HP1BP3: variants seen among roughly 807,000 people sequenced by gnomAD.
HP1BP3 encodes the protein heterochromatin protein 1 binding protein 3, also known as heterochromatin protein 1-binding protein 3.
HP1BP3 carries 12 observed loss-of-function variants against 62.5 expected under a neutral mutation model. The observed-to-expected ratio is 0.19, with a 90% confidence interval of 0.12 to 0.31. The LOEUF (loss-of-function observed/expected upper bound fraction) is 0.31, where lower values mean the gene tolerates loss of function less well. HP1BP3 is among the 10% of genes least tolerant of loss of function. The probability of loss-of-function intolerance (pLI) is 1.00; values close to 1 mark genes in which losing one functional copy is unlikely to be tolerated. For synonymous variants in HP1BP3, 260 were observed against 237.8 expected, an observed-to-expected ratio of 1.09 and a Z score of -0.86; for missense variants, 502 against 651.8, an observed-to-expected ratio of 0.77 and a Z score of 2.50.
At chr1:20,747,108 G>A (rs868360562) in intron 11 of HP1BP3, among the ~76,000 whole-genome samples, 2 of 152,182 alleles carry the variant, frequency 1.3e-5, no homozygotes, top group East Asian at 1.9e-4. Flanking sequence ...ATGACCATCC[G>A]AGGATCTCAA....
intron 8 of HP1BP3, among the ~76,000 whole-genome samples, chr1:20,761,353 TATTTTAA>T (rs2056466482): frequency 6.6e-6 from 1 of 152,182 alleles, no homozygotes; most frequent in Non-Finnish European, 1.5e-5. Flanking sequence ...TTTACTGATA[TATTTTAA>T]AGACAGAGCA....
intron 1 of HP1BP3, chr1:20,786,132 GT>G (rs1190120786): frequency 2.0e-5 from 3 of 152,260 alleles, no homozygotes; most frequent in Admixed American, 6.5e-5. Context: ...TTAAGTGGCT[GT>G]CCCCGGTCAC....
At chr1:20,762,482 T>C (rs925128795) in intron 8 of HP1BP3, among the ~76,000 whole-genome samples, 2 of 152,172 alleles carry the variant, frequency 1.3e-5, no homozygotes, top group East Asian at 3.9e-4. Flanking sequence ...AGAAAATAAA[T>C]CTTGGGATCC....
At chr1:20,778,303 A>C (rs750243451) in intron 3 of HP1BP3, among the ~76,000 whole-genome samples, 3 of 152,238 alleles carry the variant, frequency 2.0e-5, no homozygotes, top group Non-Finnish European at 4.4e-5. Flanking sequence ...TAAAACATAG[A>C]GTTTACAAAA....
intron 1 of HP1BP3, among the ~76,000 whole-genome samples, chr1:20,784,713 T>C (rs1159314082): frequency 6.6e-6 from 1 of 152,164 alleles, no homozygotes; most frequent in African/African-American, 2.4e-5. Context: ...CCTGACCTCG[T>C]GATCCGCCCA....
rs1384790518 is a variant in HP1BP3 at position 20,779,892 on chromosome 1, A to G, written c.116T>C (p.Met39Thr). The G allele has an allele frequency of 6.2e-7, 1 of 1,613,338 alleles. No homozygotes were observed. ...KLGEKVEDST[M>T]PIRRTVNSTR... ...AGAATTCACAGTTCGACGAATCGGCATGGTGCTATCTTCTACCTTCTAAGA... is the reference window on the plus strand; with the variant it reads ...AGAATTCACAGTTCGACGAATCGGCGTGGTGCTATCTTCTACCTTCTAAGA... The change falls in exon 3 of 13, where the codon ATG (methionine) becomes ACG (threonine). Residue 39 changes from methionine (M) to threonine (T), a missense_variant. Met to Thr is a moderately conservative substitution (Grantham distance 81). This residue lies in a region of HP1BP3 where 165 missense variants were observed against 156.4 expected (regional missense o/e 1.05). Transcript: ENST00000438032.
At chr1:20,762,682 C>T (rs978841357) in intron 8 of HP1BP3, among the ~76,000 whole-genome samples, 1 of 151,966 alleles carries the variant, frequency 6.6e-6, no homozygotes, top group Non-Finnish European at 1.5e-5. Context: ...ACCTAGAAGC[C>T]CCCTCCCTGA....
chr1:20,746,208 G>A (rs1245505104), intron 11 of HP1BP3, among the ~76,000 whole-genome samples: 5 of 151,544 alleles, frequency 3.3e-5, no homozygotes. Context: ...GTGTGTGTGT[G>A]TGTGTGTGTG....
chr1:20,766,365 C>G (rs1417030639), intron 7 of HP1BP3, among the ~76,000 whole-genome samples: 1 of 148,558 alleles, frequency 6.7e-6, no homozygotes, highest in East Asian at 2.0e-4. Flanking sequence ...TTATGAAGTA[C>G]AGCACCAGAA....
chr1:20,755,294 G>A, intron 9 of HP1BP3: 1 of 430,198 alleles, frequency 2.3e-6, no homozygotes, highest in African/African-American at 2.0e-5. Context: ...CTGGTCAGGT[G>A]TGGTGGATCA....
At chr1:20,765,273 TG>T in intron 8 of HP1BP3, 103 bp downstream of exon 8, 1 of 704,694 alleles carries the variant, frequency 1.4e-6, no homozygotes, top group Non-Finnish European at 2.2e-6. Flanking sequence ...TATTTTTAGC[TG>T]AAAGTAATCC....
At position 20,773,526 on chromosome 1, in the gene HP1BP3, G is replaced by A. The variant is rs1368382731; in HGVS notation, c.435C>T (p.Ala145=). 1.2e-6 allele frequency: 2 copies of A among 1,611,720 alleles called. No individual in the cohort carries two copies. The highest frequency in any genetic ancestry group is 2.7e-5 in the African/African-American group (2 of 74,854). ...CCATCGGTGTTTGTTTCTGGGCCCT[G>A]GCTAGCTGGCTGGCAGAAAGGGTAG... ...SWATLSASQL[A]RAQKQTPMAS... Residue 145 remains alanine, a synonymous_variant, in exon 5 of 13, where the codon GCC becomes GCT. Coordinates refer to ENST00000438032, the MANE Select transcript of HP1BP3 (RefSeq NM_001372052.1).
chr1:20,780,044 T>C, intron 2 of HP1BP3, 133 bp from the exon 3 acceptor site: 1 of 647,938 alleles, frequency 1.5e-6, no homozygotes. Context: ...CAAATTACTT[T>C]TAACAAGTTT....
chr1:20,769,036 C>T (rs920934473), intron 6 of HP1BP3, among the ~76,000 whole-genome samples: 1 of 152,210 alleles, frequency 6.6e-6, no homozygotes, highest in Non-Finnish European at 1.5e-5. Flanking sequence ...TGTTACACAA[C>T]AGGTCCTTGG....
At chr1:20,767,774 C>T (rs1171410554) in intron 6 of HP1BP3, 110 bp from the exon 7 acceptor site, 1 of 614,322 alleles carries the variant, frequency 1.6e-6, no homozygotes, top group African/African-American at 1.9e-5. Context: ...TTTACTTCTT[C>T]AGAGAAAAAA....
chr1:20,755,244 G>C (rs933678754), intron 9 of HP1BP3: 12 of 322,580 alleles, frequency 3.7e-5, no homozygotes, highest in Non-Finnish European at 1.3e-5. Context: ...TAATAAAAAA[G>C]AGTAACAAAC....
intron 8 of HP1BP3, among the ~76,000 whole-genome samples, chr1:20,758,694 G>A (rs951414462): frequency 2.0e-5 from 3 of 148,794 alleles, no homozygotes; most frequent in African/African-American, 7.4e-5. Flanking sequence ...CACTCTGGAT[G>A]GAGTGCAGTG....
At chr1:20,764,709 C>A (rs115790269) in intron 8 of HP1BP3, among the ~76,000 whole-genome samples, 63 of 133,202 alleles carry the variant, frequency 4.7e-4, no homozygotes, top group East Asian at 1.5e-3. Context: ...AAAAAAAAAA[C>A]CACACAAAAA....
At chr1:20,759,192 G>A (rs967422390) in intron 8 of HP1BP3, among the ~76,000 whole-genome samples, 1 of 152,170 alleles carries the variant, frequency 6.6e-6, no homozygotes, top group African/African-American at 2.4e-5. Flanking sequence ...CCTGAGGTTG[G>A]GAGTTTGACA....
Sources: gnomAD v4.1 joint callset for allele counts (sites outside exome capture counted in the v4.1 genomes callset) on GRCh38, gnomAD v4.1.1 for gene constraint, gnomAD v4.1.1 regional missense constraint, MANE v1.5 for transcripts, NCBI Gene and HGNC (gene_info 2026-07-23, HGNC 2026-07-21) for gene names.